The following USH2A variants were observed in gnomAD, a reference collection of about 807,000 sequenced individuals.
USH2A encodes usherin.
USH2A carries 443 observed loss-of-function variants against 538.9 expected under a neutral mutation model. That is an observed-to-expected ratio of 0.82 (90% CI 0.76 to 0.89). The LOEUF is 0.89. Ranked by LOEUF, USH2A falls within the 40% of genes least tolerant of loss-of-function variation. The probability of loss-of-function intolerance (pLI) is 0.00; values close to 1 mark genes in which losing one functional copy is unlikely to be tolerated. For missense variants in USH2A, 6,633 were observed against 6,324.8 expected (o/e 1.05, Z -1.65); for synonymous variants, 2,413 against 2,273.5 (o/e 1.06, Z -1.75).
intron 68 of USH2A, among the ~76,000 whole-genome samples, chr1:215,639,767 C>T (rs1485568169): frequency 2.0e-5 from 3 of 152,176 alleles, no homozygotes; most frequent in Non-Finnish European, 4.4e-5. Context: ...CCTTCCTTTC[C>T]CAAAGAGCTG....
At chr1:216,343,325 G>A (rs146239776) in intron 4 of USH2A, among the ~76,000 whole-genome samples, 140 of 149,798 alleles carry the variant, frequency 9.3e-4, no homozygotes, top group African/African-American at 3.3e-3. Context: ...TGAGGTAGGA[G>A]GATTGCTTCA....
At chr1:216,109,008 T>G (rs2032803208) in intron 21 of USH2A, among the ~76,000 whole-genome samples, 2 of 152,172 alleles carry the variant, frequency 1.3e-5, no homozygotes, top group East Asian at 3.8e-4. Context: ...TCACTTGTGT[T>G]TAGCTCAACC....
intron 40 of USH2A, 121 bp from the exon 41 acceptor site, chr1:215,889,175 A>G: frequency 8.5e-7 from 1 of 1,173,182 alleles, no homozygotes; most frequent in Non-Finnish European, 1.2e-6. Flanking sequence ...GTAAAGGCCA[A>G]TAAGTAAATA....
intron 56 of USH2A, among the ~76,000 whole-genome samples, chr1:215,765,330 A>G (rs554091097): frequency 1.2e-4 from 18 of 152,256 alleles, no homozygotes; most frequent in Non-Finnish European, 2.1e-4. Context: ...TATAGAAAAC[A>G]TCATTAGTGA....
Position 215,845,937 on chromosome 1 carries a change from G to A in USH2A, c.8942C>T (p.Ser2981Phe), listed in dbSNP as rs1166862111. 5.6e-6 allele frequency: 9 copies of A among 1,613,922 alleles called. No individual in the cohort carries two copies. The highest frequency in any genetic ancestry group is 6.8e-6 in the Non-Finnish European group (8 of 1,179,934). The change falls in exon 45 of 72, where the codon TCT (serine) becomes TTT (phenylalanine). Residue 2981 changes from serine (S) to phenylalanine (F), a missense_variant. Coordinates refer to ENST00000307340, the MANE Select transcript of USH2A (RefSeq NM_206933.4). ...TGGCTTTAGGTGGCCAATGACATGA[G>A]AGTTTACATCTGGCAAGATTTTTAG... ...DSLKILPDVNSHVIGHLKPNT... is the reference protein window; with the variant it reads ...DSLKILPDVNFHVIGHLKPNT...
intron 58 of USH2A, among the ~76,000 whole-genome samples, chr1:215,746,381 G>T (rs1233227045): frequency 2.6e-5 from 4 of 151,940 alleles, no homozygotes; most frequent in Non-Finnish European, 5.9e-5. Context: ...ATGAATAATT[G>T]TAAAGTAAAG....
Position 215,786,894 on chromosome 1 carries a change from T to A in USH2A, c.10183-20A>T. The A allele has an allele frequency of 1.2e-6, 2 of 1,611,720 alleles. No individual in the cohort carries two copies. The highest frequency in any genetic ancestry group is 1.7e-6 in the Non-Finnish European group (2 of 1,178,810). ...GGTTTCCTGAGTCAAGTGGCAGGGG[T>A]GAGAGAGAGAGGGGTATTTAAAAAT... On this transcript the variant is annotated intron_variant, in intron 51 of 71. Coordinates refer to ENST00000307340, the MANE Select transcript of USH2A (RefSeq NM_206933.4).
chr1:216,281,297 A>G (rs1244467460), intron 11 of USH2A, among the ~76,000 whole-genome samples: 2 of 152,160 alleles, frequency 1.3e-5, no homozygotes, highest in African/African-American at 4.8e-5. Flanking sequence ...AGGTTGAATG[A>G]AAATTCTCCT....
chr1:215,856,438 A>C (rs953327564), intron 44 of USH2A, among the ~76,000 whole-genome samples: 1 of 152,198 alleles, frequency 6.6e-6, no homozygotes, highest in Admixed American at 6.5e-5. Context: ...GCCAAAAAAC[A>C]TATGAAAAAT....
chr1:216,267,681 C>G (rs2036501817), intron 11 of USH2A, among the ~76,000 whole-genome samples: 1 of 152,102 alleles, frequency 6.6e-6, no homozygotes, highest in Non-Finnish European at 1.5e-5. Context: ...GGATTTTTCT[C>G]TCCTCAGCCA....
At chr1:215,683,402 T>C (rs1304182754) in intron 61 of USH2A, among the ~76,000 whole-genome samples, 1 of 152,224 alleles carries the variant, frequency 6.6e-6, no homozygotes, top group African/African-American at 2.4e-5. Context: ...CTTTGACGTT[T>C]TAGGAAATAA....
chr1:215,847,946 G>T (rs1168203241), intron 44 of USH2A, among the ~76,000 whole-genome samples: 1 of 152,296 alleles, frequency 6.6e-6, no homozygotes, highest in African/African-American at 2.4e-5. Flanking sequence ...ATGTGCCAGT[G>T]TAGTTGGAAG....
chr1:215,932,402 C>T (rs1350051318), intron 38 of USH2A, among the ~76,000 whole-genome samples: 1 of 151,950 alleles, frequency 6.6e-6, no homozygotes, highest in Admixed American at 6.6e-5. Flanking sequence ...CTAGTGAATG[C>T]CACATGCTTT....
At chr1:215,862,403 G>A (rs980925598) in intron 44 of USH2A, among the ~76,000 whole-genome samples, 11 of 151,966 alleles carry the variant, frequency 7.2e-5, no homozygotes, top group Non-Finnish European at 1.3e-4. Flanking sequence ...ATCACACACC[G>A]GGGCCTGTCG....
rs144199356 is a variant in USH2A, at chr1:215,979,923, G to A, written c.6806-9147C>T. ...AGGATAAGAAGAAACCATGTCTTGTGATGGAATTGTTCTGTGTCTTGATTA... is the reference window on the plus strand; with the variant it reads ...AGGATAAGAAGAAACCATGTCTTGTAATGGAATTGTTCTGTGTCTTGATTA... On this transcript the variant is annotated intron_variant, in intron 35 of 71. Transcript: ENST00000307340. Among the ~76,000 whole-genome samples the A allele has an allele frequency of 2.8e-4, 42 of 152,236 alleles. No homozygotes were observed. The East Asian group carries it at 6.8e-3, about 24-fold the overall frequency.
chr1:216,131,052 A>G (rs1375879677), intron 21 of USH2A, among the ~76,000 whole-genome samples: 1 of 151,846 alleles, frequency 6.6e-6, no homozygotes, highest in African/African-American at 2.4e-5. Context: ...GCATTTCTCT[A>G]TCATTAGCGA....
chr1:216,182,191 T>C (rs1425489679), intron 20 of USH2A, among the ~76,000 whole-genome samples: 2 of 152,230 alleles, frequency 1.3e-5, no homozygotes, highest in African/African-American at 4.8e-5. Flanking sequence ...CTGTGGGACC[T>C]ATAGCAACTT....
intron 4 of USH2A, among the ~76,000 whole-genome samples, chr1:216,355,378 G>GAAAGAAAGGAAGAAAGAAAGAAAGAAA (rs1191084342): frequency 8.0e-5 from 9 of 112,950 alleles, no homozygotes; most frequent in African/African-American, 3.1e-4. Context: ...AAAGAAAGAA[G>GAAAGAAAGGAAGAAAGAAAGAAAGAAA]GAAAGAAACA....
chr1:215,751,504 T>G (rs1296800438), intron 58 of USH2A, among the ~76,000 whole-genome samples: 1 of 152,150 alleles, frequency 6.6e-6, no homozygotes, highest in Non-Finnish European at 1.5e-5. Flanking sequence ...TTAGAAAGAC[T>G]CATTATTACC....
Sources: allele counts gnomAD v4.1 joint callset (sites outside exome capture counted in the v4.1 genomes callset), GRCh38; gene constraint gnomAD v4.1.1; transcripts MANE v1.5; gene names NCBI Gene and HGNC (gene_info 2026-07-23, HGNC 2026-07-21).